The following FREM1 variants were observed in gnomAD, a reference collection of about 807,000 sequenced individuals.
FREM1 encodes FRAS1 related extracellular matrix 1.
Under a neutral mutation model 210.1 loss-of-function variants are expected in FREM1, and 220 were observed. The ratio of observed to expected loss-of-function variants is 1.05; its 90% confidence interval spans 0.94 to 1.17. The LOEUF (loss-of-function observed/expected upper bound fraction) is 1.17, where lower values mean the gene tolerates loss of function less well. Ranked by LOEUF, FREM1 falls within the 50% of genes most tolerant of loss-of-function variation. FREM1 has a pLI of 0.00. For missense variants in FREM1, 3,454 were observed against 2,675.5 expected (o/e 1.29, Z -6.42); for synonymous variants, 1,189 against 980.2 (o/e 1.21, Z -3.98).
intron 10 of FREM1, among the ~76,000 whole-genome samples, chr9:14,837,527 C>A (rs2131112108): frequency 6.6e-6 from 1 of 152,184 alleles, no homozygotes; most frequent in African/African-American, 2.4e-5. Flanking sequence ...AAAAAGCATG[C>A]TGTACATTCT....
At position 14,842,494 on chromosome 9, in the gene FREM1, A is replaced by G. The variant is rs535793045; in HGVS notation, c.1560T>C (p.Ser520=). ...FPINVLPKDD[S]PPFLITNVVI... ...CAACATTGGTTATGAGGAACGGGGG[A>G]CTATCATCTTTGGGCAAGACGTTGA... The change falls in exon 9 of 37, where the codon AGT becomes AGC. Residue 520 remains serine (S), a synonymous_variant. Transcript: ENST00000380880. The G allele has an allele frequency of 3.1e-6, 5 of 1,614,020 alleles. No homozygotes were observed. In the East Asian group the frequency reaches 1.1e-4, roughly 36 times the overall value.
intron 23 of FREM1, among the ~76,000 whole-genome samples, chr9:14,786,535 T>C (rs1850452040): frequency 6.6e-6 from 1 of 152,158 alleles, no homozygotes; most frequent in Non-Finnish European, 1.5e-5. Flanking sequence ...CCAAGGGACA[T>C]TTGGCAATGT....
rs1424407580 is a variant in FREM1, at chr9:14,904,059, T to A, written c.-268+5855A>T. On this transcript the variant is annotated intron_variant, in intron 1 of 36. Coordinates refer to ENST00000380880, the MANE Select transcript of FREM1 (RefSeq NM_001379081.2). ...ATGGCGTGAACCTGGGAGGCGGAGCTTGCAGTGAGCCAAGATCGCGCCTCC... is the reference window on the plus strand; with the variant it reads ...ATGGCGTGAACCTGGGAGGCGGAGCATGCAGTGAGCCAAGATCGCGCCTCC... 3.5e-5 allele frequency among the ~76,000 whole-genome samples: 5 copies of A among 143,342 alleles called. No homozygotes were observed. In the Admixed American group the frequency reaches 3.6e-4, roughly 10 times the overall value. 94.0% of individuals were successfully genotyped at this position (143,342 alleles called of 152,430 possible). A position where few individuals can be genotyped will look rare whatever the true frequency, so the allele number is the denominator to read the frequency against.
chr9:14,740,452 G>T (rs1841360679), intron 35 of FREM1, among the ~76,000 whole-genome samples: 1 of 152,150 alleles, frequency 6.6e-6, no homozygotes, highest in Admixed American at 6.5e-5. Flanking sequence ...TAATATCTGG[G>T]CTTTACAGCA....
intron 14 of FREM1, among the ~76,000 whole-genome samples, chr9:14,817,169 G>A (rs756648416): frequency 6.6e-6 from 1 of 152,156 alleles, no homozygotes; most frequent in Non-Finnish European, 1.5e-5. Context: ...TTTGGTATAG[G>A]TCTGTACGCT....
At chr9:14,850,247 C>A (rs1827450047) in intron 6 of FREM1, among the ~76,000 whole-genome samples, 1 of 152,104 alleles carries the variant, frequency 6.6e-6, no homozygotes, top group African/African-American at 2.4e-5. Flanking sequence ...GAACCTGCAG[C>A]AAAAGGAAAT....
rs1818452071 is a variant in FREM1 at position 14,806,791 on chromosome 9, C to A, written c.3144G>T (p.Leu1048Phe). 1 of 1,607,816 alleles carries A rather than the reference C, an allele frequency of 6.2e-7. No individual in the cohort carries two copies. Among genetic ancestry groups the A allele is most frequent in the Non-Finnish European group, 8.5e-7 (1 of 1,177,228 alleles). ...GCSTALTVNHLSATDPDTAAD... is the reference protein window; with the variant it reads ...GCSTALTVNHFSATDPDTAAD... ...CTGCAGTGTCAGGGTCAGTGGCGGA[C>A]AAATGGTTAACAGTAAGGGCTGTTG... The change falls in exon 18 of 37, where the codon TTG becomes TTT. Residue 1048 changes from leucine to phenylalanine, a missense_variant. By Grantham distance (22) the Leu-to-Phe change is conservative. Transcript: ENST00000380880.
intron 16 of FREM1, among the ~76,000 whole-genome samples, chr9:14,811,401 G>C (rs1464841384): frequency 3.3e-5 from 5 of 152,170 alleles, no homozygotes; most frequent in Non-Finnish European, 7.3e-5. Context: ...GCCTGCCAGA[G>C]ATGTTAAATA....
At chr9:14,740,300 A>G (rs1217382228) in intron 35 of FREM1, 66 bp from the exon 36 acceptor site, 42 of 1,167,098 alleles carry the variant, frequency 3.6e-5, no homozygotes, top group Non-Finnish European at 5.1e-5. Context: ...TACGAAATGC[A>G]TAACAGAAAT....
Position 14,789,001 on chromosome 9 carries a change from A to G in FREM1, c.4095T>C (p.Asp1365=). The G allele has an allele frequency of 5.6e-6, 9 of 1,612,812 alleles. No individual in the cohort carries two copies. The highest frequency in any genetic ancestry group is 6.8e-6 in the Non-Finnish European group (8 of 1,179,486). Residue 1365 remains aspartate (D), a synonymous_variant, in exon 23 of 37, where the codon GAT becomes GAC. Coordinates refer to ENST00000380880, the MANE Select transcript of FREM1 (RefSeq NM_001379081.2). ...HTGAMDSQNQ[D]SFTFYLWDGN... The stretch of plus-strand genomic sequence containing the variant: ...CATCCCAAAGGTAGAAGGTGAAGCT[A>G]TCTTGATTCTGGGAATCCATTGCCC...
At position 14,764,417 on chromosome 9, in the gene FREM1, CAT is replaced by C. The variant is rs1846034627; in HGVS notation, c.5205-4518_5205-4517del. Among the ~76,000 whole-genome samples, 7 of 152,352 alleles carry C rather than the reference CAT, an allele frequency of 4.6e-5. No individual in the cohort carries two copies. The South Asian group carries it at 1.5e-3, about 32-fold the overall frequency. On this transcript the variant is annotated intron_variant, in intron 27 of 36. Coordinates refer to ENST00000380880, the MANE Select transcript of FREM1 (RefSeq NM_001379081.2). Reference sequence around the variant, plus strand: ...AAATTGCTAGGCTAGATGATCCTCACATGTTTTCTCTAGCCCTGACTTATTCT... The same window carrying C: ...AAATTGCTAGGCTAGATGATCCTCACGTTTTCTCTAGCCCTGACTTATTCT...
Position 14,755,082 on chromosome 9 carries a change from G to A in FREM1, c.5407+1292C>T, listed in dbSNP as rs141409084. 3.4e-3 allele frequency among the ~76,000 whole-genome samples: 514 copies of A among 152,292 alleles called. 1 individual carries two copies. The highest frequency in any genetic ancestry group is 5.5e-3 in the Non-Finnish European group (375 of 68,016). On this transcript the variant is annotated intron_variant, in intron 29 of 36. Coordinates refer to ENST00000380880, the MANE Select transcript of FREM1 (RefSeq NM_001379081.2). ...CAGCCACCGGAAGCATGGAAGAGAG[G>A]CATGGAATCGATTCAGAAGTAATCC...
At chr9:14,759,747 A>C in intron 28 of FREM1, 25 bp downstream of exon 28, 1 of 1,545,314 alleles carries the variant, frequency 6.5e-7, no homozygotes, top group Non-Finnish European at 8.7e-7. Context: ...TTTTAGCTTG[A>C]TAATTTACAT....
chr9:14,806,538 GC>G (rs1818406178), intron 18 of FREM1, 122 bp downstream of exon 18: 1 of 656,892 alleles, frequency 1.5e-6, no homozygotes, highest in African/African-American at 1.8e-5. Flanking sequence ...ACAGGCATCA[GC>G]CACCACGCCC....
rs1323755619 is a variant in FREM1, at chr9:14,842,636, A to G, written c.1418T>C (p.Val473Ala). ...AACAACTCCAGCCTGGAGGTCAGCC[A>G]CGGTGAAGAGAAACCCTTTCCCCCC... The part of the protein sequence containing the change: ...LRGGKGFLFT[V>A]ADLQAGVVRY... The change falls in exon 9 of 37, where the codon GTG becomes GCG. Residue 473 changes from valine (V) to alanine (A), a missense_variant. Physicochemically the swap from Val to Ala is moderately conservative, Grantham distance 64. Transcript: ENST00000380880. 2.5e-6 allele frequency: 4 copies of G among 1,613,610 alleles called. No individual in the cohort carries two copies. Among genetic ancestry groups the G allele is most frequent in the East Asian group, 2.2e-5 (1 of 44,892 alleles).
chr9:14,893,472 T>C (rs1429877265), intron 1 of FREM1, among the ~76,000 whole-genome samples: 2 of 152,212 alleles, frequency 1.3e-5, no homozygotes, highest in African/African-American at 4.8e-5. Flanking sequence ...CTTTTCACAT[T>C]GGTGGCCTGG....
rs1445638917 is a variant in FREM1 at position 14,873,551 on chromosome 9, C to T, written c.-267-4307G>A. ...CATTTTTTATTGCATATATTTGATT[C>T]TTCTCTCTTTTCTTCATTAGTCTTG... On this transcript the variant is annotated intron_variant, in intron 1 of 36. Coordinates refer to ENST00000380880, the MANE Select transcript of FREM1 (RefSeq NM_001379081.2). Among the ~76,000 whole-genome samples the T allele has an allele frequency of 1.1e-4, 13 of 119,092 alleles. No homozygotes were observed. In the Admixed American group the frequency reaches 1.1e-3, roughly 10 times the overall value. 78.1% of individuals were successfully genotyped at this position (119,092 alleles called of 152,430 possible).
At chr9:14,855,982 G>T (rs915708454) in intron 5 of FREM1, among the ~76,000 whole-genome samples, 1 of 151,880 alleles carries the variant, frequency 6.6e-6, no homozygotes, top group African/African-American at 2.4e-5. Context: ...GTTTAGGTCT[G>T]TATGAACAAG....
At chr9:14,860,782 C>CATATATACGT (rs1829889550) in intron 3 of FREM1, among the ~76,000 whole-genome samples, 1 of 75,762 alleles carries the variant, frequency 1.3e-5, no homozygotes, top group African/African-American at 4.7e-5. Flanking sequence ...CACATATATA[C>CATATATACGT]ATATATACAT....
Sources: allele counts gnomAD v4.1 joint callset (sites outside exome capture counted in the v4.1 genomes callset), GRCh38; gene constraint gnomAD v4.1.1; transcripts MANE v1.5; gene names NCBI Gene and HGNC (gene_info 2026-07-23, HGNC 2026-07-21).